The following FAM24B variants were observed in gnomAD, a reference collection of about 807,000 sequenced individuals.
FAM24B encodes the protein family with sequence similarity 24 member B.
In FAM24B, 3 loss-of-function variants were observed where a neutral mutation model predicts 2.3. That is an observed-to-expected ratio of 1.29 (90% CI 0.59 to 3.32). The LOEUF (loss-of-function observed/expected upper bound fraction) is 3.32. FAM24B is among the 30% of genes most tolerant of loss of function. The probability of loss-of-function intolerance (pLI) is 0.03; values close to 1 mark genes in which losing one functional copy is unlikely to be tolerated. For synonymous variants in FAM24B, 36 were observed against 46.3 expected (o/e 0.78, Z 0.90); for missense variants, 98 against 117.2 (o/e 0.84, Z 0.76).
intron 3 of FAM24B, 73 bp from the exon 4 acceptor site, chr10:122,849,512 G>A (rs966869618): frequency 3.6e-6 from 5 of 1,384,922 alleles, no homozygotes; most frequent in Non-Finnish European, 2.9e-6. Flanking sequence ...ACTGTTGGGG[G>A]GTATCTGGGG....
rs576531962 is a variant in FAM24B at position 122,872,613 on chromosome 10, A to T, written c.-178+6872T>A. 2.6e-5 allele frequency among the ~76,000 whole-genome samples: 4 copies of T among 152,336 alleles called. No individual in the cohort carries two copies. In the South Asian group the frequency reaches 6.2e-4, roughly 24 times the overall value. On this transcript the variant is annotated intron_variant, in intron 1 of 3. Coordinates refer to ENST00000368898, the MANE Select transcript of FAM24B (RefSeq NM_152644.3). ...ATGGAATACTATGCAGCCATAAAAA[A>T]TGATGAGTTCATGTCCTTTGTAGGG...
In FAM24B at chr10:122,850,492, G is replaced by C. The variant is rs866351343; in HGVS notation, c.24C>G (p.Ile8Met). ...CTATCAGCAGGAGCAAGGCCGCCAG[G>C]ATACCACCAGCGATGACAGGCATAA... MPVIAGGILAALLLLIVV... is the reference protein window; with the variant it reads MPVIAGGMLAALLLLIVV... Residue 8 changes from isoleucine (I) to methionine (M), a missense_variant, in exon 3 of 4, where the codon ATC (isoleucine) becomes ATG (methionine). By Grantham distance (10) the Ile-to-Met change is conservative. Coordinates refer to ENST00000368898, the MANE Select transcript of FAM24B (RefSeq NM_152644.3). The C allele has an allele frequency of 1.2e-6, 2 of 1,613,778 alleles. No individual in the cohort carries two copies. The highest frequency in any genetic ancestry group is 2.2e-5 in the South Asian group (2 of 91,086).
At chr10:122,869,438 C>G (rs9423284) in intron 1 of FAM24B, among the ~76,000 whole-genome samples, 8 of 152,170 alleles carry the variant, frequency 5.3e-5, no homozygotes. Context: ...GTGGACCTAA[C>G]AGACATCTAC....
chr10:122,874,493 CCTT>C (rs973958093), intron 1 of FAM24B, among the ~76,000 whole-genome samples: 2 of 152,128 alleles, frequency 1.3e-5, no homozygotes, highest in South Asian at 2.1e-4. Flanking sequence ...CTTTAAGTCT[CCTT>C]CACTTCTGAA....
intron 1 of FAM24B, among the ~76,000 whole-genome samples, chr10:122,857,945 T>C (rs1847665199): frequency 6.6e-6 from 1 of 152,232 alleles, no homozygotes; most frequent in South Asian, 2.1e-4. Flanking sequence ...CTGGCAAGGC[T>C]GGCTCTGAAT....
intron 1 of FAM24B, among the ~76,000 whole-genome samples, chr10:122,878,359 C>G (rs1179310037): frequency 2.0e-5 from 3 of 152,034 alleles, no homozygotes; most frequent in East Asian, 3.9e-4. Context: ...ATGGCAAAAC[C>G]CTGTCTCTCC....
intron 1 of FAM24B, among the ~76,000 whole-genome samples, chr10:122,868,734 G>A (rs1479090700): frequency 6.6e-6 from 1 of 152,194 alleles, no homozygotes; most frequent in African/African-American, 2.4e-5. Context: ...AGCAAATGCT[G>A]AGAGATTTTG....
chr10:122,872,890 A>G (rs1161459166), intron 1 of FAM24B, among the ~76,000 whole-genome samples: 2 of 152,172 alleles, frequency 1.3e-5, no homozygotes, highest in Non-Finnish European at 2.9e-5. Flanking sequence ...TACGTATGTA[A>G]CAAACCTGCA....
At chr10:122,877,976 T>C (rs1171559970) in intron 1 of FAM24B, among the ~76,000 whole-genome samples, 1 of 152,162 alleles carries the variant, frequency 6.6e-6, no homozygotes, top group East Asian at 1.9e-4. Flanking sequence ...GTACAGATGG[T>C]TGGGAAAACA....
At chr10:122,866,188 C>T (rs1319930013) in intron 1 of FAM24B, among the ~76,000 whole-genome samples, 1 of 152,114 alleles carries the variant, frequency 6.6e-6, no homozygotes, top group African/African-American at 2.4e-5. Flanking sequence ...AGGCATGAGC[C>T]ACTGCACCCG....
At chr10:122,865,152 T>C (rs1847783137) in intron 1 of FAM24B, among the ~76,000 whole-genome samples, 1 of 152,236 alleles carries the variant, frequency 6.6e-6, no homozygotes, top group Non-Finnish European at 1.5e-5. Flanking sequence ...TTCCTGGTGC[T>C]GTGCATACCC....
intron 1 of FAM24B, among the ~76,000 whole-genome samples, chr10:122,868,643 A>G (rs867863839): frequency 2.9e-4 from 44 of 152,046 alleles, no homozygotes; most frequent in African/African-American, 1.0e-3. Flanking sequence ...ATTCTTAAAG[A>G]AAAGAATTTT....
At chr10:122,872,900 A>G (rs1038915471) in intron 1 of FAM24B, among the ~76,000 whole-genome samples, 1 of 152,206 alleles carries the variant, frequency 6.6e-6, no homozygotes, top group South Asian at 2.1e-4. Flanking sequence ...ACAAACCTGC[A>G]TGTTGTGCAC....
chr10:122,861,435 G>A (rs1315599472), intron 1 of FAM24B, among the ~76,000 whole-genome samples: 1 of 152,014 alleles, frequency 6.6e-6, no homozygotes, highest in Non-Finnish European at 1.5e-5. Flanking sequence ...GTTTGTTTTG[G>A]CTATTCTAAT....
intron 1 of FAM24B, among the ~76,000 whole-genome samples, chr10:122,856,100 T>A (rs768455694): frequency 6.6e-6 from 1 of 152,220 alleles, no homozygotes; most frequent in Non-Finnish European, 1.5e-5. Context: ...CTGAACCATA[T>A]GTGGCTGCCA....
chr10:122,868,540 C>T (rs868828282), intron 1 of FAM24B, among the ~76,000 whole-genome samples: 14 of 152,044 alleles, frequency 9.2e-5, no homozygotes, highest in Admixed American at 2.6e-4. Context: ...AGAGAAAGGT[C>T]GGGTTACCCA....
chr10:122,870,553 C>T (rs1294356403), intron 1 of FAM24B, among the ~76,000 whole-genome samples: 1 of 152,178 alleles, frequency 6.6e-6, no homozygotes, highest in East Asian at 1.9e-4. Flanking sequence ...TACTGGCAAA[C>T]TGAATCCAGC....
At chr10:122,866,467 G>C (rs1253834782) in intron 1 of FAM24B, among the ~76,000 whole-genome samples, 1 of 151,848 alleles carries the variant, frequency 6.6e-6, no homozygotes, top group Non-Finnish European at 1.5e-5. Context: ...GTGCCTCATA[G>C]ATACCGCATT....
At chr10:122,849,819 G>C (rs1042725266) in intron 3 of FAM24B, among the ~76,000 whole-genome samples, 2 of 151,930 alleles carry the variant, frequency 1.3e-5, no homozygotes, top group Non-Finnish European at 2.9e-5. Flanking sequence ...CAATCTCTCT[G>C]GTACTTAAAG....
Sources: allele counts gnomAD v4.1 joint callset (sites outside exome capture counted in the v4.1 genomes callset), GRCh38; gene constraint gnomAD v4.1.1; transcripts MANE v1.5; gene names NCBI Gene and HGNC (gene_info 2026-07-23, HGNC 2026-07-21).